Variants in NCAM2 observed in about 807,000 individuals in gnomAD.
NCAM2 encodes N-CAM-2.
A neutral mutation model predicts 98.1 loss-of-function variants in NCAM2; 30 were observed. The ratio of observed to expected loss-of-function variants is 0.31; its 90% CI spans 0.23 to 0.41. NCAM2 has a LOEUF of 0.41. Among genes scored for constraint, NCAM2 ranks in the 10% least tolerant of loss-of-function variants. NCAM2 has a pLI of 1.00. For missense variants in NCAM2, 867 were observed against 1,005.8 expected (o/e 0.86, Z 1.87); for synonymous variants, 368 against 342.4 (o/e 1.07, Z -0.83).
At chr21:21,293,596 T>C (rs1033002608) in intron 5 of NCAM2, among the ~76,000 whole-genome samples, 1 of 151,780 alleles carries the variant, frequency 6.6e-6, no homozygotes, top group Non-Finnish European at 1.5e-5. Context: ...AGTGGAGTAG[T>C]TAACCTTCAG....
chr21:21,376,276 C>T (rs1484164965), intron 9 of NCAM2, among the ~76,000 whole-genome samples: 4 of 151,636 alleles, frequency 2.6e-5, no homozygotes, highest in African/African-American at 7.3e-5. Flanking sequence ...AAATGAAAAC[C>T]GAAATTAAGA....
chr21:21,065,389 T>C (rs1404313007), intron 1 of NCAM2, among the ~76,000 whole-genome samples: 1 of 152,170 alleles, frequency 6.6e-6, no homozygotes, highest in Non-Finnish European at 1.5e-5. Context: ...CTTGTACTTA[T>C]ATCTGATCTG....
chr21:21,352,940 GC>G (rs1568968888), intron 8 of NCAM2, among the ~76,000 whole-genome samples: 1 of 151,456 alleles, frequency 6.6e-6, no homozygotes, highest in East Asian at 2.0e-4. Flanking sequence ...CACAACTTCC[GC>G]TTTTCGGGTT....
In NCAM2 at chr21:21,075,566, C is replaced by T. The variant is rs2065664544; in HGVS notation, c.55+76948C>T. ...CCTAGGAGGAAAGTGTTCAATATTT[C>T]ACCATTAATTATGTTGTTACCTGTA... On this transcript the variant is annotated intron_variant, in intron 1 of 17. Coordinates refer to ENST00000400546, the MANE Select transcript of NCAM2 (RefSeq NM_004540.5). Among the ~76,000 whole-genome samples the T allele has an allele frequency of 4.6e-5, 7 of 152,094 alleles. 1 individual carries two copies.
intron 1 of NCAM2, among the ~76,000 whole-genome samples, chr21:21,126,083 A>G (rs1401639833): frequency 1.3e-5 from 2 of 151,776 alleles, no homozygotes; most frequent in Admixed American, 6.6e-5. Context: ...AATGTTTCCT[A>G]GTAAAGATGC....
chr21:21,442,082 C>T (rs558584480), intron 12 of NCAM2, among the ~76,000 whole-genome samples: 2 of 152,226 alleles, frequency 1.3e-5, no homozygotes, highest in South Asian at 2.1e-4. Flanking sequence ...ATTGTAAGAT[C>T]GCACAGGACT....
intron 1 of NCAM2, among the ~76,000 whole-genome samples, chr21:21,005,118 G>A (rs1341269754): frequency 6.6e-6 from 1 of 152,186 alleles, no homozygotes; most frequent in Non-Finnish European, 1.5e-5. Flanking sequence ...GGAAGTGGAA[G>A]ATAGAGTGAC....
intron 1 of NCAM2, among the ~76,000 whole-genome samples, chr21:21,234,905 G>T (rs560727057): frequency 6.6e-6 from 1 of 152,156 alleles, no homozygotes; most frequent in South Asian, 2.1e-4. Context: ...TTAGTAATAA[G>T]CAAATTGCAG....
At chr21:21,434,061 C>G (rs1281554783) in intron 12 of NCAM2, among the ~76,000 whole-genome samples, 2 of 152,182 alleles carry the variant, frequency 1.3e-5, no homozygotes, top group Non-Finnish European at 1.5e-5. Context: ...TGCCCTTGAT[C>G]TGGCCAAGTT....
intron 11 of NCAM2, among the ~76,000 whole-genome samples, chr21:21,430,989 A>G (rs1301450790): frequency 6.9e-6 from 1 of 145,002 alleles, no homozygotes; most frequent in Non-Finnish European, 1.5e-5. Context: ...CTGAGGTTGC[A>G]GTGAGCTGAG....
At chr21:21,215,724 A>T (rs2069871614) in intron 1 of NCAM2, among the ~76,000 whole-genome samples, 1 of 135,446 alleles carries the variant, frequency 7.4e-6, no homozygotes, top group African/African-American at 2.5e-5. Context: ...CAAAGATTCC[A>T]TTTCAAAAAA....
At chr21:20,999,887 C>T (rs1307953519) in intron 1 of NCAM2, among the ~76,000 whole-genome samples, 1 of 152,178 alleles carries the variant, frequency 6.6e-6, no homozygotes, top group African/African-American at 2.4e-5. Context: ...CTGCCCTTCT[C>T]CTCCCCACAG....
intron 1 of NCAM2, 22 bp from the exon 2 acceptor site, chr21:21,280,556 T>C: frequency 6.5e-7 from 1 of 1,542,674 alleles, no homozygotes. Flanking sequence ...TCACCATTAA[T>C]TGTTTCCCAA....
intron 8 of NCAM2, among the ~76,000 whole-genome samples, chr21:21,354,101 C>A (rs1000975456): frequency 6.6e-6 from 1 of 151,936 alleles, no homozygotes; most frequent in Admixed American, 6.6e-5. Context: ...TGTTTTATAT[C>A]ATAAATATAA....
intron 16 of NCAM2, among the ~76,000 whole-genome samples, chr21:21,534,233 AT>A (rs929501518): frequency 6.6e-6 from 1 of 151,972 alleles, no homozygotes. Context: ...AAATATTTTC[AT>A]TTTTTTCAAA....
intron 9 of NCAM2, among the ~76,000 whole-genome samples, chr21:21,400,806 A>G (rs942777831): frequency 3.3e-5 from 5 of 152,142 alleles, no homozygotes; most frequent in Non-Finnish European, 7.4e-5. Flanking sequence ...TTTTATAAAC[A>G]TGAAATAATT....
At chr21:21,407,870 C>G (rs2076774400) in intron 9 of NCAM2, among the ~76,000 whole-genome samples, 1 of 152,070 alleles carries the variant, frequency 6.6e-6, no homozygotes, top group Admixed American at 6.6e-5. Context: ...TAGTTTTTGA[C>G]TTTGAATATC....
intron 8 of NCAM2, among the ~76,000 whole-genome samples, chr21:21,355,667 G>T (rs1041382141): frequency 6.6e-6 from 1 of 151,346 alleles, no homozygotes; most frequent in Non-Finnish European, 1.5e-5. Flanking sequence ...CCAGGCTGGA[G>T]CGCAGTGGCA....
At chr21:21,475,883 A>G (rs1178806232) in intron 14 of NCAM2, among the ~76,000 whole-genome samples, 2 of 152,072 alleles carry the variant, frequency 1.3e-5, no homozygotes, top group African/African-American at 2.4e-5. Flanking sequence ...TTCCTTTGTA[A>G]TAAAAGTTCT....
Sources: gnomAD v4.1 joint callset for allele counts (sites outside exome capture counted in the v4.1 genomes callset) on GRCh38, gnomAD v4.1.1 for gene constraint, MANE v1.5 for transcripts, NCBI Gene and HGNC (gene_info 2026-07-23, HGNC 2026-07-21) for gene names.